The following GRIK5 variants were observed in gnomAD, a reference collection of about 807,000 sequenced individuals.
GRIK5 encodes glutamate ionotropic receptor kainate type subunit 5, also known as glutamate receptor ionotropic, kainate 5.
GRIK5 carries 43 observed loss-of-function variants against 97.4 expected under a neutral mutation model. The ratio of observed to expected loss-of-function variants is 0.44; its 90% CI spans 0.35 to 0.57. GRIK5 has a LOEUF of 0.57. Among genes scored for constraint, GRIK5 ranks in the 20% least tolerant of loss-of-function variants. The pLI, the probability that GRIK5 is intolerant of heterozygous loss-of-function variation, is 0.01. For synonymous variants in GRIK5, 580 were observed against 583.5 expected (o/e 0.99, Z 0.09); for missense variants, 1,015 against 1,382.0 (o/e 0.73, Z 4.21).
At chr19:42,029,067 C>A (rs746007096) in intron 12 of GRIK5, among the ~76,000 whole-genome samples, 2 of 151,540 alleles carry the variant, frequency 1.3e-5, no homozygotes, top group African/African-American at 2.4e-5. Flanking sequence ...CCCATCTCTA[C>A]AAAAAAAAAT....
intron 12 of GRIK5, among the ~76,000 whole-genome samples, chr19:42,024,171 C>T (rs959561703): frequency 6.6e-6 from 1 of 151,968 alleles, no homozygotes; most frequent in Admixed American, 6.6e-5. Flanking sequence ...CCAGACCCCA[C>T]CTCACTCCCA....
Position 41,999,244 on chromosome 19 carries a change from T to TTGCG in GRIK5, c.2566_2569dup (p.Lys857ThrfsTer278), listed in dbSNP as rs1555870377. 2 of 1,524,518 alleles carry TTGCG rather than the reference T, an allele frequency of 1.3e-6. No homozygotes were observed. The highest frequency in any genetic ancestry group is 1.8e-6 in the Non-Finnish European group (2 of 1,142,648). The allele number at this position is 1,524,518 out of a possible 1,614,324, so 94.4% of individuals were successfully genotyped here. A position where few individuals can be genotyped will look rare whatever the true frequency, so the allele number is the denominator to read the frequency against. On this transcript the variant is annotated frameshift_variant, in exon 20 of 20. Transcript: ENST00000593562. LOFTEE classifies it low-confidence loss of function (END_TRUNC). This position sits in a 1 kb window ranked among gnomAD's most constrained non-coding sequence, Gnocchi z 5.0. ...TCGGCGCCGGCGGGAACGCGACGTC[T>TTGCG]TGCGGCAAGAAACGGCGTGGCGCAG...
In GRIK5 at chr19:42,065,076, T is replaced by C; in HGVS notation, c.244+147A>G. 1.4e-6 allele frequency: 1 copy of C among 696,882 alleles called. No homozygotes were observed. Among genetic ancestry groups the C allele is most frequent in the Non-Finnish European group, 2.3e-6 (1 of 429,572 alleles). The allele number at this position is 696,882 out of a possible 1,614,324, so 43.2% of individuals were successfully genotyped here. A position where few individuals can be genotyped will look rare whatever the true frequency, so the allele number is the denominator to read the frequency against. On this transcript the variant is annotated intron_variant, in intron 3 of 19. Coordinates refer to ENST00000593562, the MANE Select transcript of GRIK5 (RefSeq NM_002088.5). The surrounding 1 kb of genome is among the most constrained non-coding windows in gnomAD (Gnocchi z 5.8). ...ACCCCCAGGCCCAGCAGCAGCCATG[T>C]CTGGGAAGAAGGCAGAGACAAACAC... is the stretch of plus-strand genomic sequence containing the variant.
In GRIK5 at chr19:42,034,659, A is replaced by C. The variant is rs539978306; in HGVS notation, c.1473+7893T>G. 3.3e-5 allele frequency among the ~76,000 whole-genome samples: 5 copies of C among 152,242 alleles called. No individual in the cohort carries two copies. In the South Asian group the frequency reaches 1.0e-3, roughly 32 times the overall value. ...GGAAAATAGTCAAACTTCTGCCCTC[A>C]TAAAACCCTCCCTGGTGGCTCTTCT... On this transcript the variant is annotated intron_variant, in intron 12 of 19. Transcript: ENST00000593562.
At chr19:42,030,265 T>A (rs776128741) in intron 12 of GRIK5, among the ~76,000 whole-genome samples, 97 of 152,198 alleles carry the variant, frequency 6.4e-4, no homozygotes, top group Non-Finnish European at 1.2e-3. Flanking sequence ...CACTGCAACC[T>A]CTGCCTCCTG....
chr19:42,052,776 C>T (rs2076133669), intron 11 of GRIK5, among the ~76,000 whole-genome samples: 1 of 152,230 alleles, frequency 6.6e-6, no homozygotes, highest in Non-Finnish European at 1.5e-5. Flanking sequence ...GGATCACCCC[C>T]TCCCTGACCT....
intron 12 of GRIK5, among the ~76,000 whole-genome samples, chr19:42,032,169 A>G (rs1271984297): frequency 6.6e-6 from 1 of 152,254 alleles, no homozygotes; most frequent in African/African-American, 2.4e-5. Flanking sequence ...AAACAATAAA[A>G]ACACCTGGAA....
chr19:42,053,590 A>G lies in GRIK5; in HGVS notation c.1269+12T>C, dbSNP rs1568922955. The G allele has an allele frequency of 1.3e-6, 2 of 1,495,542 alleles. No homozygotes were observed. The highest frequency in any genetic ancestry group is 2.3e-5 in the South Asian group (2 of 88,650). 92.6% of individuals were successfully genotyped at this position (1,495,542 alleles called of 1,614,324 possible). ...CAGCGCCACTCCCAGGCCCCCATCT[A>G]GGGCCACTCACCAGGATGGTTGTGA... is the stretch of plus-strand genomic sequence containing the variant. On this transcript the variant is annotated intron_variant, in intron 11 of 19. Coordinates refer to ENST00000593562, the MANE Select transcript of GRIK5 (RefSeq NM_002088.5).
intron 11 of GRIK5, among the ~76,000 whole-genome samples, chr19:42,052,212 G>A: frequency 6.6e-6 from 1 of 152,180 alleles, no homozygotes; most frequent in Non-Finnish European, 1.5e-5. Flanking sequence ...AGGGAGGAGA[G>A]TGAAGACACT....
At chr19:42,029,888 C>T (rs1311216766) in intron 12 of GRIK5, among the ~76,000 whole-genome samples, 3 of 152,158 alleles carry the variant, frequency 2.0e-5, no homozygotes, top group Non-Finnish European at 4.4e-5. Flanking sequence ...CCAAATGTCA[C>T]ATCATCAACC....
chr19:42,061,221 G>A (rs888664906), intron 5 of GRIK5, among the ~76,000 whole-genome samples: 1 of 152,144 alleles, frequency 6.6e-6, no homozygotes, highest in Non-Finnish European at 1.5e-5. Flanking sequence ...CTAACTTTTT[G>A]TATTTTTAGT....
chr19:42,045,678 T>C (rs1341064290), intron 11 of GRIK5, among the ~76,000 whole-genome samples: 1 of 152,170 alleles, frequency 6.6e-6, no homozygotes, highest in African/African-American at 2.4e-5. Flanking sequence ...TAAGCTGCCT[T>C]TCCAGAACCA....
intron 15 of GRIK5, among the ~76,000 whole-genome samples, chr19:42,016,840 T>C (rs568131226): frequency 9.2e-5 from 14 of 152,234 alleles, no homozygotes; most frequent in African/African-American, 2.6e-4. Context: ...GTGCTCAGCG[T>C]AGGACAGCCG....
intron 12 of GRIK5, among the ~76,000 whole-genome samples, chr19:42,040,341 G>T (rs2146101815): frequency 6.6e-6 from 1 of 152,278 alleles, no homozygotes; most frequent in Non-Finnish European, 1.5e-5. Context: ...GGTGAAAAAA[G>T]GGCATCCAGT....
At position 42,065,385 on chromosome 19, in the gene GRIK5, C is replaced by T; in HGVS notation, c.82G>A (p.Ala28Thr). The change falls in exon 3 of 20, where the codon GCA becomes ACA. Residue 28 changes from alanine (A) to threonine (T), a missense_variant and splice_region_variant. By Grantham distance (58) the Ala-to-Thr change is moderately conservative (BLOSUM62 0). Coordinates refer to ENST00000593562, the MANE Select transcript of GRIK5 (RefSeq NM_002088.5). This position sits in a 1 kb window ranked among gnomAD's most constrained non-coding sequence, Gnocchi z 5.8. The stretch of plus-strand genomic sequence containing the variant: ...CACACTGTCTGATCATCCAGGATTG[C>T]AGCTGAGGGGACACATGGGTTGGGG... ...CQVLSSLRMA[A>T]ILDDQTVCGR... 1.3e-6 allele frequency: 2 copies of T among 1,581,510 alleles called. No homozygotes were observed. Among genetic ancestry groups the T allele is most frequent in the Non-Finnish European group, 1.7e-6 (2 of 1,161,528 alleles).
chr19:42,051,542 C>T (rs1157507471), intron 11 of GRIK5, among the ~76,000 whole-genome samples: 1 of 152,228 alleles, frequency 6.6e-6, no homozygotes, highest in African/African-American at 2.4e-5. Context: ...TGCCCCGCAG[C>T]CCCTAGGCTG....
At chr19:42,060,820 C>T (rs1008323831) in intron 5 of GRIK5, among the ~76,000 whole-genome samples, 30 of 152,078 alleles carry the variant, frequency 2.0e-4, no homozygotes, top group African/African-American at 7.0e-4. Context: ...GAGGCCCTCG[C>T]CCACCATTTC....
chr19:42,068,977 A>C (rs1282589744), intron 1 of GRIK5: 1 of 574,764 alleles, frequency 1.7e-6, no homozygotes, highest in Non-Finnish European at 3.1e-6. Context: ...TGAGAGCCCA[A>C]GTAAGAGCAA....
intron 8 of GRIK5, among the ~76,000 whole-genome samples, chr19:42,056,417 T>C (rs1305692540): frequency 6.6e-6 from 1 of 151,844 alleles, no homozygotes; most frequent in Non-Finnish European, 1.5e-5. Flanking sequence ...GGGAAGAGGG[T>C]GTGCAGAGGC....
Sources: allele counts gnomAD v4.1 joint callset (sites outside exome capture counted in the v4.1 genomes callset), GRCh38; gene constraint gnomAD v4.1.1; non-coding constraint Gnocchi (gnomAD v3.1); transcripts MANE v1.5; gene names NCBI Gene and HGNC (gene_info 2026-07-23, HGNC 2026-07-21).